The following ZC3H12B variants were observed in gnomAD, a reference collection of about 807,000 sequenced individuals.
ZC3H12B encodes the protein probable ribonuclease ZC3H12B.
In ZC3H12B, 7 loss-of-function variants were observed where a neutral mutation model predicts 43.9. That is an observed-to-expected ratio of 0.16 (90% CI 0.09 to 0.30). ZC3H12B has a LOEUF of 0.30. Among genes scored for constraint, ZC3H12B ranks in the 10% least tolerant of loss-of-function variants. ZC3H12B has a pLI of 1.00. For synonymous variants in ZC3H12B, 222 were observed against 241.7 expected (o/e 0.92, Z 0.76); for missense variants, 475 against 670.2 (o/e 0.71, Z 3.22).
chrX:65,183,447 C>G, the ZC3H12B span, among the ~76,000 whole-genome samples: 2 of 111,169 alleles, frequency 1.8e-5, no homozygotes, highest in African/African-American at 6.5e-5. Context: ...GATCGAAAAA[C>G]TACTTAATTG....
rs757512154 is a variant in ZC3H12B, at chrX:65,483,291, C to A, written n.408-5355C>A. On this transcript the variant is annotated intron_variant and non_coding_transcript_variant, in intron 3 of 5. Coordinates refer to the ZC3H12B transcript ENST00000617377. ...TACCTATAAACTATTCAAGAGCACA[C>A]AAACAGATGGGTATAGTTGGAGGTT... 4.0e-3 allele frequency among the ~76,000 whole-genome samples: 451 copies of A among 111,645 alleles called. 2 individuals carry two copies. The highest frequency in any genetic ancestry group is 0.014 in the African/African-American group (429 of 30,827).
chrX:65,125,209 T>C, the ZC3H12B span, among the ~76,000 whole-genome samples: 1 of 111,639 alleles, frequency 9.0e-6, no homozygotes, highest in Non-Finnish European at 1.9e-5. Context: ...TTCAAAGAAT[T>C]TTAAAATTTT....
chrX:65,275,506 G>C, the ZC3H12B span, among the ~76,000 whole-genome samples: 1 of 112,956 alleles, frequency 8.9e-6, no homozygotes, highest in African/African-American at 3.2e-5. Flanking sequence ...CTGAGAAATA[G>C]TTTAGCAAGC....
intron 3 of ZC3H12B, among the ~76,000 whole-genome samples, chrX:65,455,771 C>T (rs1250804316): frequency 8.9e-6 from 1 of 112,206 alleles, no homozygotes; most frequent in Non-Finnish European, 1.9e-5. Context: ...AAACTAACAG[C>T]TGATCTCTTG....
chrX:65,125,670 A>C, the ZC3H12B span, among the ~76,000 whole-genome samples: 1 of 111,169 alleles, frequency 9.0e-6, no homozygotes, highest in Non-Finnish European at 1.9e-5. Flanking sequence ...TGGTAAGTGC[A>C]TATATAATTA....
At chrX:65,240,388 T>C in the ZC3H12B span, among the ~76,000 whole-genome samples, 1 of 112,302 alleles carries the variant, frequency 8.9e-6, no homozygotes. Flanking sequence ...GATAGCATTG[T>C]CAATTTCTCA....
the ZC3H12B span, among the ~76,000 whole-genome samples, chrX:65,157,977 G>A: frequency 6.6e-5 from 6 of 91,228 alleles, no homozygotes; most frequent in African/African-American, 2.3e-4. Context: ...CTGTGGCCAT[G>A]TGTTCTCATT....
the ZC3H12B span, among the ~76,000 whole-genome samples, chrX:65,321,882 G>A: frequency 4.5e-5 from 5 of 110,617 alleles, no homozygotes; most frequent in Non-Finnish European, 9.5e-5. Flanking sequence ...TATCACCGGA[G>A]GCTACTTAGG....
intron 3 of ZC3H12B, among the ~76,000 whole-genome samples, chrX:65,457,404 C>A (rs865904813): frequency 0.048 from 3,237 of 67,828 alleles, 443 homozygotes; most frequent in African/African-American, 0.27. Context: ...AGTGAGGAGC[C>A]CCTCTGCCTG....
At chrX:65,224,090 G>T in the ZC3H12B span, among the ~76,000 whole-genome samples, 4 of 112,412 alleles carry the variant, frequency 3.6e-5, no homozygotes, top group African/African-American at 1.3e-4. Flanking sequence ...AGAAACTGTG[G>T]TATTTATATA....
the ZC3H12B span, among the ~76,000 whole-genome samples, chrX:65,107,310 C>A: frequency 2.7e-5 from 3 of 110,491 alleles, no homozygotes; most frequent in Admixed American, 2.9e-4. Flanking sequence ...GGAAAAAGAC[C>A]AATTAGTAGA....
the ZC3H12B span, among the ~76,000 whole-genome samples, chrX:65,205,520 A>G: frequency 1.8e-5 from 2 of 111,740 alleles, no homozygotes; most frequent in Non-Finnish European, 3.8e-5. Flanking sequence ...CATAGAATAG[A>G]CATACCTTGA....
chrX:65,468,985 T>C (rs1414157431), intron 3 of ZC3H12B: 1 of 110,358 alleles, frequency 9.1e-6, no homozygotes, highest in Admixed American at 9.7e-5. Context: ...AGCCAGGTCA[T>C]TGTAAGAAGG....
the ZC3H12B span, among the ~76,000 whole-genome samples, chrX:65,345,443 G>T: frequency 8.1e-5 from 9 of 111,626 alleles, no homozygotes; most frequent in Non-Finnish European, 1.7e-4. Context: ...AACTTACACA[G>T]AAACAGAAAA....
the ZC3H12B span, among the ~76,000 whole-genome samples, chrX:65,125,972 G>A: frequency 9.2e-6 from 1 of 108,952 alleles, no homozygotes; most frequent in Non-Finnish European, 1.9e-5. Flanking sequence ...TACTTTCAAA[G>A]TTAGTATTGA....
intron 3 of ZC3H12B, among the ~76,000 whole-genome samples, chrX:65,441,283 G>A (rs1349967309): frequency 8.9e-6 from 1 of 112,172 alleles, no homozygotes; most frequent in Non-Finnish European, 1.9e-5. Context: ...ATATGCTTCA[G>A]CGGCTTTACC....
the ZC3H12B span, among the ~76,000 whole-genome samples, chrX:65,052,414 T>A: frequency 9.0e-6 from 1 of 111,118 alleles, no homozygotes; most frequent in Non-Finnish European, 1.9e-5. Context: ...TAGGTCTTCT[T>A]CGTTCTTTTT....
the ZC3H12B span, among the ~76,000 whole-genome samples, chrX:65,296,573 C>A: frequency 9.0e-6 from 1 of 111,249 alleles, no homozygotes; most frequent in Non-Finnish European, 1.9e-5. Context: ...TTCTATCAGA[C>A]ATTCAAATGA....
At chrX:65,187,410 G>A in the ZC3H12B span, 2 of 111,353 alleles carry the variant, frequency 1.8e-5, no homozygotes, top group Non-Finnish European at 3.8e-5. Flanking sequence ...AACTATAAAG[G>A]CTTTCAGAGC....
Sources: allele counts gnomAD v4.1 joint callset (sites outside exome capture counted in the v4.1 genomes callset), GRCh38; gene constraint gnomAD v4.1.1; transcripts MANE v1.5; gene names NCBI Gene and HGNC (gene_info 2026-07-23, HGNC 2026-07-21).